Variants in KLHL1 observed in about 807,000 individuals in gnomAD.
KLHL1 encodes the protein kelch like family member 1, also known as kelch-like protein 1.
Under a neutral mutation model 77.7 loss-of-function variants are expected in KLHL1, and 47 were observed. The ratio of observed to expected loss-of-function variants is 0.60; its 90% confidence interval spans 0.48 to 0.77. The LOEUF (loss-of-function observed/expected upper bound fraction) is 0.77. Ranked by LOEUF, KLHL1 falls within the 30% of genes least tolerant of loss-of-function variation. The pLI, the probability that KLHL1 is intolerant of heterozygous loss-of-function variation, is 0.00. For synonymous variants in KLHL1, 360 were observed against 325.2 expected, an observed-to-expected ratio of 1.11 and a Z score of -1.15; for missense variants, 925 against 910.8, an observed-to-expected ratio of 1.02 and a Z score of -0.20.
chr13:70,096,742 T>C (rs2137448983), intron 1 of KLHL1, among the ~76,000 whole-genome samples: 1 of 151,980 alleles, frequency 6.6e-6, no homozygotes, highest in East Asian at 1.9e-4. Flanking sequence ...TAATATCCCT[T>C]AAAAATATGA....
intron 7 of KLHL1, among the ~76,000 whole-genome samples, chr13:69,782,641 A>G (rs1418491655): frequency 6.6e-6 from 1 of 152,170 alleles, no homozygotes; most frequent in Non-Finnish European, 1.5e-5. Flanking sequence ...CCCAAGTTTG[A>G]TTAGTAAACA....
At chr13:69,983,964 A>T (rs1884792770) in intron 1 of KLHL1, among the ~76,000 whole-genome samples, 1 of 152,102 alleles carries the variant, frequency 6.6e-6, no homozygotes, top group African/African-American at 2.4e-5. Flanking sequence ...CATGCAGAAG[A>T]GTGAAACAAC....
chr13:69,734,344 G>T (rs532277775), intron 8 of KLHL1, among the ~76,000 whole-genome samples: 1 of 152,232 alleles, frequency 6.6e-6, no homozygotes, highest in South Asian at 2.1e-4. Flanking sequence ...TACATAGCCT[G>T]AAGAAGTGAC....
At chr13:69,936,678 A>T (rs1165981380) in intron 4 of KLHL1, among the ~76,000 whole-genome samples, 3 of 152,114 alleles carry the variant, frequency 2.0e-5, no homozygotes, top group African/African-American at 7.2e-5. Flanking sequence ...TAAGAAAATA[A>T]AACACTCAAT....
intron 7 of KLHL1, among the ~76,000 whole-genome samples, chr13:69,789,250 AC>A (rs537451293): frequency 1.3e-5 from 2 of 150,944 alleles, no homozygotes; most frequent in African/African-American, 4.9e-5. Flanking sequence ...TTTTAAAATT[AC>A]TTTTTTAAAT....
chr13:69,783,660 G>GAAAT, intron 7 of KLHL1, among the ~76,000 whole-genome samples: 1 of 140,712 alleles, frequency 7.1e-6, no homozygotes, highest in Non-Finnish European at 1.6e-5. Flanking sequence ...AAGCCTCCAA[G>GAAAT]AAATATGGGA....
chr13:70,063,451 T>C (rs896596817), intron 1 of KLHL1, among the ~76,000 whole-genome samples: 5 of 152,142 alleles, frequency 3.3e-5, no homozygotes, highest in African/African-American at 1.2e-4. Context: ...TCACTAGAAC[T>C]GTGTATAGTA....
At chr13:70,053,550 A>C (rs1444198731) in intron 1 of KLHL1, among the ~76,000 whole-genome samples, 1 of 152,142 alleles carries the variant, frequency 6.6e-6, no homozygotes, top group African/African-American at 2.4e-5. Context: ...TATGTAAAAC[A>C]ATTGATCAAA....
intron 7 of KLHL1, among the ~76,000 whole-genome samples, chr13:69,791,883 G>A (rs1377346539): frequency 6.6e-6 from 1 of 151,934 alleles, no homozygotes; most frequent in African/African-American, 2.4e-5. Context: ...ATAATTTTTT[G>A]GATTTATCAA....
chr13:70,048,539 G>T (rs1192437836), intron 1 of KLHL1, among the ~76,000 whole-genome samples: 1 of 152,150 alleles, frequency 6.6e-6, no homozygotes, highest in Non-Finnish European at 1.5e-5. Flanking sequence ...TGACAACAGG[G>T]ACCAGTTTCG....
At chr13:69,757,272 C>T (rs1874792141) in intron 7 of KLHL1, among the ~76,000 whole-genome samples, 2 of 152,068 alleles carry the variant, frequency 1.3e-5, no homozygotes, top group South Asian at 4.1e-4. Flanking sequence ...CACATATGGT[C>T]ATTGTTAAAG....
chr13:69,733,230 T>TA lies in KLHL1; in HGVS notation c.1802+7163dup, dbSNP rs148855155. ...GGGTTATACAAACACATATGAAAGATAAAAAAAAAATCACTGAACTTACAT... is the reference window on the plus strand; with the variant it reads ...GGGTTATACAAACACATATGAAAGATAAAAAAAAAAATCACTGAACTTACAT... On this transcript the variant is annotated intron_variant, in intron 8 of 10. Transcript: ENST00000377844. Among the ~76,000 whole-genome samples the TA allele has an allele frequency of 5.4e-4, 81 of 148,664 alleles. No individual in the cohort carries two copies. In the South Asian group the frequency reaches 0.01, roughly 19 times the overall value.
intron 1 of KLHL1, among the ~76,000 whole-genome samples, chr13:70,008,110 T>G (rs1273437096): frequency 6.6e-6 from 1 of 152,052 alleles, no homozygotes; most frequent in Non-Finnish European, 1.5e-5. Flanking sequence ...TAGCTGCAAA[T>G]TTTTCAATTT....
chr13:69,984,704 C>T (rs760431894), intron 1 of KLHL1, among the ~76,000 whole-genome samples: 2 of 152,144 alleles, frequency 1.3e-5, no homozygotes, highest in Admixed American at 6.6e-5. Flanking sequence ...ATTAAACCTC[C>T]GCTCTTAACT....
Position 69,838,402 on chromosome 13 carries a change from G to A in KLHL1, c.1414+574C>T, listed in dbSNP as rs971640245. On this transcript the variant is annotated intron_variant, in intron 6 of 10. Transcript: ENST00000377844. ...GAAAATCTGAAGAGGACAAATTTTT[G>A]GAGATTTTTCCAATAACTCTAAAAA... is the stretch of plus-strand genomic sequence containing the variant. Among the ~76,000 whole-genome samples, 3 of 151,638 alleles carry A rather than the reference G, an allele frequency of 2.0e-5. No homozygotes were observed. In the East Asian group the frequency reaches 5.8e-4, roughly 29 times the overall value.
intron 4 of KLHL1, among the ~76,000 whole-genome samples, chr13:69,931,049 C>T (rs1882989647): frequency 6.8e-6 from 1 of 147,926 alleles, no homozygotes; most frequent in African/African-American, 2.6e-5. Context: ...ATATTCTTAC[C>T]CATATATCAG....
intron 3 of KLHL1, among the ~76,000 whole-genome samples, chr13:69,952,323 A>T (rs1883734890): frequency 6.6e-6 from 1 of 151,376 alleles, no homozygotes; most frequent in African/African-American, 2.4e-5. Flanking sequence ...ATCAGGAATA[A>T]ACTTATATTT....
At chr13:69,863,723 C>T (rs1284158820) in intron 5 of KLHL1, among the ~76,000 whole-genome samples, 2 of 151,854 alleles carry the variant, frequency 1.3e-5, no homozygotes, top group African/African-American at 2.4e-5. Flanking sequence ...TTGGATGATG[C>T]AAAAAACAGA....
intron 4 of KLHL1, among the ~76,000 whole-genome samples, chr13:69,927,749 A>C (rs573055748): frequency 6.6e-6 from 1 of 152,324 alleles, no homozygotes; most frequent in South Asian, 2.1e-4. Flanking sequence ...AAAAACAACA[A>C]AAATTATTGG....
Sources: gnomAD v4.1 joint callset for allele counts (sites outside exome capture counted in the v4.1 genomes callset) on GRCh38, gnomAD v4.1.1 for gene constraint, MANE v1.5 for transcripts, NCBI Gene and HGNC (gene_info 2026-07-23, HGNC 2026-07-21) for gene names.